HTR1A: variants seen among roughly 807,000 people sequenced by gnomAD.
HTR1A encodes 5-hydroxytryptamine receptor 1A.
HTR1A carries 17 observed loss-of-function variants against 24.6 expected under a neutral mutation model. The observed-to-expected ratio is 0.69, with a 90% CI of 0.47 to 1.04. HTR1A has a LOEUF of 1.04. Among genes scored for constraint, HTR1A ranks in the 50% least tolerant of loss-of-function variants. The pLI is 0.00. For missense variants in HTR1A, 515 were observed against 565.1 expected, an observed-to-expected ratio of 0.91 and a Z score of 0.90; for synonymous variants, 262 against 244.6, an observed-to-expected ratio of 1.07 and a Z score of -0.67.
At position 63,959,545 on chromosome 5, in the gene HTR1A, T is replaced by A. The variant is rs1161730582; in HGVS notation, c.*906A>T. Among the ~76,000 whole-genome samples the A allele has an allele frequency of 6.6e-6, 1 of 152,242 alleles. No individual in the cohort carries two copies. Among genetic ancestry groups the A allele is most frequent in the Non-Finnish European group, 1.5e-5 (1 of 68,034 alleles). On this transcript the variant is annotated 3_prime_UTR_variant, in exon 1 of 1. Coordinates refer to ENST00000323865, the MANE Select transcript of HTR1A (RefSeq NM_000524.4). ...GTAAGTAAGTGGCGATGTCAGGTCG[T>A]ACACACTCGCCAGCTACCTGTACAA...
rs781594054 is a variant in HTR1A, at chr5:63,960,491, G to C, written c.1229C>G (p.Ala410Gly). 1 of 1,614,212 alleles carries C rather than the reference G, an allele frequency of 6.2e-7. No homozygotes were observed. The highest frequency in any genetic ancestry group is 8.5e-7 in the Non-Finnish European group (1 of 1,180,044). The change falls in exon 1 of 1, where the codon GCG (alanine) becomes GGG (glycine). Residue 410 changes from alanine to glycine, a missense_variant. By Grantham distance (60) the Ala-to-Gly change is moderately conservative. This residue lies in a region of HTR1A where 381 missense variants were observed against 384.5 expected (regional missense o/e 0.99). Transcript: ENST00000323865. ...YAYFNKDFQN[A>G]FKKIIKCKFC... Reference sequence around the variant, plus strand: ...CTTACACTTAATGATCTTCTTAAACGCGTTTTGAAAGTCCTTGTTGAAGTA... The same window carrying C: ...CTTACACTTAATGATCTTCTTAAACCCGTTTTGAAAGTCCTTGTTGAAGTA...
Position 63,959,538 on chromosome 5 carries a change from C to T in HTR1A, c.*913G>A, listed in dbSNP as rs1360246984. Among the ~76,000 whole-genome samples, 1 of 152,266 alleles carries T rather than the reference C, an allele frequency of 6.6e-6. No individual in the cohort carries two copies. The highest frequency in any genetic ancestry group is 2.4e-5 in the African/African-American group (1 of 41,480). On this transcript the variant is annotated 3_prime_UTR_variant, in exon 1 of 1. Transcript: ENST00000323865. ...TCCCGCAGTAAGTAAGTGGCGATGTCAGGTCGTACACACTCGCCAGCTACC... is the reference window on the plus strand; with the variant it reads ...TCCCGCAGTAAGTAAGTGGCGATGTTAGGTCGTACACACTCGCCAGCTACC...
Position 63,960,245 on chromosome 5 carries a change from A to G in HTR1A, c.*206T>C. On this transcript the variant is annotated 3_prime_UTR_variant, in exon 1 of 1. Coordinates refer to ENST00000323865, the MANE Select transcript of HTR1A (RefSeq NM_000524.4). The stretch of plus-strand genomic sequence containing the variant: ...ACTCTCTGAATTTCCTGGGCTCTCA[A>G]CGCTCCTCCGCTGGGTCTCCTTTGC... 1.6e-6 allele frequency: 1 copy of G among 631,504 alleles called. No homozygotes were observed. Among genetic ancestry groups the G allele is most frequent in the Non-Finnish European group, 2.8e-6 (1 of 355,458 alleles). 39.1% of individuals were successfully genotyped at this position (631,504 alleles called of 1,614,324 possible).
Position 63,960,626 on chromosome 5 carries a change from G to A in HTR1A, c.1094C>T (p.Ala365Val), listed in dbSNP as rs867446127. 3 of 1,614,260 alleles carry A rather than the reference G, an allele frequency of 1.9e-6. No individual in the cohort carries two copies. The highest frequency in any genetic ancestry group is 1.1e-5 in the South Asian group (1 of 91,088). Residue 365 changes from alanine to valine, a missense_variant, in exon 1 of 1, where the codon GCT becomes GTT. By Grantham distance (64) the Ala-to-Val change is moderately conservative (BLOSUM62 0). Around this residue, in one of 3 missense-constraint regions of HTR1A, gnomAD observed 381 missense variants for 384.5 expected, o/e 0.99. Coordinates refer to ENST00000323865, the MANE Select transcript of HTR1A (RefSeq NM_000524.4). ...ILCWLPFFIVALVLPFCESSC... is the reference protein window; with the variant it reads ...ILCWLPFFIVVLVLPFCESSC... The stretch of plus-strand genomic sequence containing the variant: ...GCTCTCGCAGAAGGGCAGAACAAGA[G>A]CCACGATGAAGAAGGGCAGCCAGCA...
chr5:63,959,937 A>T lies in HTR1A; in HGVS notation c.*514T>A, dbSNP rs1746388874. ...GAAGCAATGAAAAAAAGAAAAGATAAAAATGGGGAGAAAAAGGTGAATATT... is the reference window on the plus strand; with the variant it reads ...GAAGCAATGAAAAAAAGAAAAGATATAAATGGGGAGAAAAAGGTGAATATT... On this transcript the variant is annotated 3_prime_UTR_variant, in exon 1 of 1. Transcript: ENST00000323865. Among the ~76,000 whole-genome samples the T allele has an allele frequency of 6.6e-6, 1 of 152,130 alleles. No homozygotes were observed. The highest frequency in any genetic ancestry group is 6.5e-5 in the Admixed American group (1 of 15,278).
Position 63,962,283 on chromosome 5 carries a change from T to A in HTR1A, c.-564A>T, listed in dbSNP as rs1392664437. On this transcript the variant is annotated 5_prime_UTR_variant, in exon 1 of 1. Coordinates refer to ENST00000323865, the MANE Select transcript of HTR1A (RefSeq NM_000524.4). ...CCTCTTCCTCCTCACTTCCCTTTATTTATCCCTCTGTGAGTCGCTTCGAAA... is the reference window on the plus strand; with the variant it reads ...CCTCTTCCTCCTCACTTCCCTTTATATATCCCTCTGTGAGTCGCTTCGAAA... The A allele has an allele frequency of 5.6e-6, 1 of 177,842 alleles. No individual in the cohort carries two copies. The highest frequency in any genetic ancestry group is 1.2e-5 in the Non-Finnish European group (1 of 82,612). The allele number at this position is 177,842 out of a possible 1,614,324, so 11.0% of individuals were successfully genotyped here. A position where few individuals can be genotyped will look rare whatever the true frequency, so the allele number is the denominator to read the frequency against.
rs1436383464 is a variant in HTR1A, at chr5:63,961,921, T to G, written c.-202A>C. On this transcript the variant is annotated 5_prime_UTR_variant, in exon 1 of 1. Coordinates refer to ENST00000323865, the MANE Select transcript of HTR1A (RefSeq NM_000524.4). The stretch of plus-strand genomic sequence containing the variant: ...TCAGGCGCTCCCTGGGCTCTCGCAG[T>G]CCAGCGCGTTCAGAAGCTCCAGCTG... 8.3e-6 allele frequency: 5 copies of G among 604,434 alleles called. No homozygotes were observed. The highest frequency in any genetic ancestry group is 1.2e-5 in the Non-Finnish European group (4 of 339,350). 37.4% of individuals were successfully genotyped at this position (604,434 alleles called of 1,614,324 possible).
chr5:63,960,372 G>A lies in HTR1A; in HGVS notation c.*79C>T, dbSNP rs1746400656. The stretch of plus-strand genomic sequence containing the variant: ...GGAGAAGTGGCGAATTATCTTAAGT[G>A]TTGATTCCCTAGGGTTGGGGGAAGC... On this transcript the variant is annotated 3_prime_UTR_variant, in exon 1 of 1. Transcript: ENST00000323865. 2.1e-6 allele frequency: 3 copies of A among 1,415,268 alleles called. No homozygotes were observed. The highest frequency in any genetic ancestry group is 2.3e-5 in the South Asian group (2 of 86,462). The allele number at this position is 1,415,268 out of a possible 1,614,324, so 87.7% of individuals were successfully genotyped here.
chr5:63,961,405 G>A lies in HTR1A; in HGVS notation c.315C>T (p.Gly105=). ...CGATGAACAGGTCGCAGGTTACCTGGCCCAGTGTCCACTTGTTGAGCACCT... is the reference window on the plus strand; with the variant it reads ...CGATGAACAGGTCGCAGGTTACCTGACCCAGTGTCCACTTGTTGAGCACCT... ...LYQVLNKWTL[G]QVTCDLFIAL... is the part of the protein sequence containing the mutation. Residue 105 remains glycine, a synonymous_variant, in exon 1 of 1, where the codon GGC becomes GGT. Coordinates refer to ENST00000323865, the MANE Select transcript of HTR1A (RefSeq NM_000524.4). 6.2e-7 allele frequency: 1 copy of A among 1,613,812 alleles called. No homozygotes were observed. Among genetic ancestry groups the A allele is most frequent in the Non-Finnish European group, 8.5e-7 (1 of 1,179,844 alleles).
chr5:63,961,090 G>C lies in HTR1A; in HGVS notation c.630C>G (p.Leu210=). ...ATATGCGCCCATAGAGAACCAGCAT[G>C]AGCAGCAGCGGGATGTAGAAAGCTC... ...TFGAFYIPLL[L]MLVLYGRIFR... Residue 210 remains leucine, a synonymous_variant, in exon 1 of 1, where the codon CTC becomes CTG. Coordinates refer to ENST00000323865, the MANE Select transcript of HTR1A (RefSeq NM_000524.4). The C allele has an allele frequency of 6.2e-7, 1 of 1,614,278 alleles. No individual in the cohort carries two copies. The highest frequency in any genetic ancestry group is 8.5e-7 in the Non-Finnish European group (1 of 1,180,056).
rs1746457634 is a variant in HTR1A at position 63,962,422 on chromosome 5, GCATTCGAGTCTCTTTTTGT to G, written c.-722_-704del. ...CCTCTCCCTCTAGCTCAGCGTCTTTGCATTCGAGTCTCTTTTTGTCAACAGAGACTCAGAACTCACTTAC... is the reference window on the plus strand; with the variant it reads ...CCTCTCCCTCTAGCTCAGCGTCTTTGCAACAGAGACTCAGAACTCACTTAC... On this transcript the variant is annotated 5_prime_UTR_variant, in exon 1 of 1. The change abolishes an upstream ATG in the 5' untranslated region. Transcript: ENST00000323865. The G allele has an allele frequency of 6.4e-6, 1 of 155,366 alleles. No individual in the cohort carries two copies. Among genetic ancestry groups the G allele is most frequent in the Non-Finnish European group, 1.4e-5 (1 of 70,360 alleles). 9.6% of individuals were successfully genotyped at this position (155,366 alleles called of 1,614,324 possible). A position where few individuals can be genotyped will look rare whatever the true frequency, so the allele number is the denominator to read the frequency against.
In HTR1A at chr5:63,961,446, T is replaced by C; in HGVS notation, c.274A>G (p.Met92Val). The C allele has an allele frequency of 6.2e-7, 1 of 1,613,948 alleles. No individual in the cohort carries two copies. The change falls in exon 1 of 1, where the codon ATG becomes GTG. Residue 92 changes from methionine to valine, a missense_variant. Met to Val is a conservative substitution (Grantham distance 21, BLOSUM62 1). Coordinates refer to ENST00000323865, the MANE Select transcript of HTR1A (RefSeq NM_000524.4). Reference sequence around the variant, plus strand: ...TTGAGCACCTGATACAGCGCGGCCATGGGCAGCACCAACACCGACACCATG... The same window carrying C: ...TTGAGCACCTGATACAGCGCGGCCACGGGCAGCACCAACACCGACACCATG... Reference protein sequence around the residue: ...DLMVSVLVLPMAALYQVLNKW... With the variant: ...DLMVSVLVLPVAALYQVLNKW...
chr5:63,961,814 G>T lies in HTR1A; in HGVS notation c.-95C>A. ...CTGGGGTCTTCCGCCCTTCTCCTGG[G>T]AAGTTTCGGAGGAAGGGAATGCAGA... On this transcript the variant is annotated 5_prime_UTR_variant, in exon 1 of 1. Coordinates refer to ENST00000323865, the MANE Select transcript of HTR1A (RefSeq NM_000524.4). 2 of 1,326,230 alleles carry T rather than the reference G, an allele frequency of 1.5e-6. No individual in the cohort carries two copies. The highest frequency in any genetic ancestry group is 2.2e-6 in the Non-Finnish European group (2 of 928,560). 82.2% of individuals were successfully genotyped at this position (1,326,230 alleles called of 1,614,324 possible). A position where few individuals can be genotyped will look rare whatever the true frequency, so the allele number is the denominator to read the frequency against.
At position 63,961,463 on chromosome 5, in the gene HTR1A, G is replaced by A; in HGVS notation, c.257C>T (p.Ser86Leu). Residue 86 changes from serine to leucine, a missense_variant, in exon 1 of 1, where the codon TCG becomes TTG. By Grantham distance (145) the Ser-to-Leu change is moderately radical (BLOSUM62 -2). This residue lies in a region of HTR1A where 80 missense variants were observed against 130.8 expected (regional missense o/e 0.61). Transcript: ENST00000323865. ...GSLAVTDLMV[S>L]VLVLPMAALY... ...CGCGGCCATGGGCAGCACCAACACC[G>A]ACACCATGAGGTCGGTGACCGCCAA... The A allele has an allele frequency of 1.2e-6, 2 of 1,613,932 alleles. No homozygotes were observed. Among genetic ancestry groups the A allele is most frequent in the African/African-American group, 1.3e-5 (1 of 75,054 alleles).
rs976017222 is a variant in HTR1A at position 63,959,235 on chromosome 5, C to A, written c.*1216G>T. Among the ~76,000 whole-genome samples the A allele has an allele frequency of 1.3e-5, 2 of 152,350 alleles. No individual in the cohort carries two copies. The highest frequency in any genetic ancestry group is 4.8e-5 in the African/African-American group (2 of 41,596). ...CTTGGGCACGCGCGCCCTGGGGAAC[C>A]TTTCCTCTTTGCCGCCCCTGCGTGT... On this transcript the variant is annotated 3_prime_UTR_variant, in exon 1 of 1. Transcript: ENST00000323865.
In HTR1A at chr5:63,961,689, T is replaced by C; in HGVS notation, c.31A>G (p.Asn11Asp). MDVLSPGQGNNTTSPPAPFET... is the reference protein window; with the variant it reads MDVLSPGQGNDTTSPPAPFET... ...AAGGGAGCCGGTGGTGATGTGGTGTTGTTGCCCTGACCAGGGCTGAGCACA... is the reference window on the plus strand; with the variant it reads ...AAGGGAGCCGGTGGTGATGTGGTGTCGTTGCCCTGACCAGGGCTGAGCACA... The change falls in exon 1 of 1, where the codon AAC becomes GAC. Residue 11 changes from asparagine to aspartate, a missense_variant. Physicochemically the swap from Asn to Asp is conservative, Grantham distance 23 (BLOSUM62 1). Transcript: ENST00000323865. 1 of 1,613,762 alleles carries C rather than the reference T, an allele frequency of 6.2e-7. No individual in the cohort carries two copies. Among genetic ancestry groups the C allele is most frequent in the Non-Finnish European group, 8.5e-7 (1 of 1,180,036 alleles).
At position 63,960,325 on chromosome 5, in the gene HTR1A, G is replaced by A; in HGVS notation, c.*126C>T. The A allele has an allele frequency of 2.9e-6, 3 of 1,050,696 alleles. No individual in the cohort carries two copies. Among genetic ancestry groups the A allele is most frequent in the South Asian group, 1.3e-5 (1 of 77,940 alleles). 65.1% of individuals were successfully genotyped at this position (1,050,696 alleles called of 1,614,324 possible). ...GGGGAGGGGACCAGGTCTGCAAGCC[G>A]TGAGCGGAGCAGAGAGAAAGAGGAG... On this transcript the variant is annotated 3_prime_UTR_variant, in exon 1 of 1. Coordinates refer to ENST00000323865, the MANE Select transcript of HTR1A (RefSeq NM_000524.4).
In HTR1A at chr5:63,960,892, G is replaced by T; in HGVS notation, c.828C>A (p.Cys276Ter). 6.2e-7 allele frequency: 1 copy of T among 1,613,872 alleles called. No homozygotes were observed. The highest frequency in any genetic ancestry group is 2.2e-5 in the East Asian group (1 of 44,826). ...GVESKAGGAL[C>*]ANGAVRQGDD... ...CACCTTGCCTCACCGCGCCATTGGC[G>T]CACAGAGCACCCCCAGCCTTGCTCT... Residue 276 changes from cysteine (C) to a stop codon, truncating the protein, a stop_gained, in exon 1 of 1, where the codon TGC becomes TGA. Coordinates refer to ENST00000323865, the MANE Select transcript of HTR1A (RefSeq NM_000524.4). LOFTEE classifies it high-confidence loss of function.
rs754252782 is a variant in HTR1A, at chr5:63,960,853, G to A, written c.867C>T (p.Ala289=). Residue 289 remains alanine (A), a synonymous_variant, in exon 1 of 1, where the codon GCC becomes GCT. Coordinates refer to ENST00000323865, the MANE Select transcript of HTR1A (RefSeq NM_000524.4). ...GAVRQGDDGA[A]LEVIEVHRVG... is the part of the protein sequence containing the mutation. ...CTCGGTGCACCTCGATCACCTCCAG[G>A]GCGGCGCCATCGTCACCTTGCCTCA... 2.5e-6 allele frequency: 4 copies of A among 1,614,122 alleles called. No individual in the cohort carries two copies. The highest frequency in any genetic ancestry group is 3.4e-6 in the Non-Finnish European group (4 of 1,179,980).
Sources: allele counts gnomAD v4.1 joint callset (sites outside exome capture counted in the v4.1 genomes callset), GRCh38; gene constraint gnomAD v4.1.1; regional missense constraint gnomAD v4.1.1; transcripts MANE v1.5; gene names NCBI Gene and HGNC (gene_info 2026-07-23, HGNC 2026-07-21).